Variants in HCN3 observed in about 807,000 individuals in gnomAD.
HCN3 encodes potassium/sodium hyperpolarization-activated cyclic nucleotide-gated channel 3.
HCN3 carries 36 observed loss-of-function variants against 56.8 expected under a neutral mutation model. That is an observed-to-expected ratio of 0.63 (90% CI 0.49 to 0.84). The LOEUF is 0.84. Among genes scored for constraint, HCN3 ranks in the 40% least tolerant of loss-of-function variants. The pLI, the probability that HCN3 is intolerant of heterozygous loss-of-function variation, is 0.00. For synonymous variants in HCN3, 425 were observed against 439.7 expected, an observed-to-expected ratio of 0.97 and a Z score of 0.42; for missense variants, 930 against 1,079.3, an observed-to-expected ratio of 0.86 and a Z score of 1.94.
Position 155,285,766 on chromosome 1 carries a change from C to G in HCN3, c.1279C>G (p.Pro427Ala), listed in dbSNP as rs777747988. ...FTCRGLVAHMPLFAHADPSFV... is the reference protein window; with the variant it reads ...FTCRGLVAHMALFAHADPSFV... ...CTGTCGGGGCCTGGTGGCCCACATG[C>G]CGCTGTTTGCCCATGCCGACCCCAG... Residue 427 changes from proline (P) to alanine (A), a missense_variant, in exon 6 of 8, where the codon CCG (proline) becomes GCG (alanine). By Grantham distance (27) the Pro-to-Ala change is conservative. Transcript: ENST00000368358. The surrounding 1 kb of genome is among the most constrained non-coding windows in gnomAD (Gnocchi z 4.5). The G allele has an allele frequency of 6.2e-7, 1 of 1,614,176 alleles. No homozygotes were observed.
chr1:155,288,262 G>C lies in HCN3; in HGVS notation c.2124G>C (p.Arg708=). Residue 708 remains arginine, a synonymous_variant, in exon 8 of 8, where the codon CGG becomes CGC. Coordinates refer to ENST00000368358, the MANE Select transcript of HCN3 (RefSeq NM_020897.3). The surrounding 1 kb of genome is among the most constrained non-coding windows in gnomAD (Gnocchi z 6.5). ...PGGGGRRLGP[R]GRPLSASQPS... Reference sequence around the variant, plus strand: ...GAGGTGGACGGCGGCTAGGACCTCGGGGCCGCCCACTCTCAGCCTCCCAAC... The same window carrying C: ...GAGGTGGACGGCGGCTAGGACCTCGCGGCCGCCCACTCTCAGCCTCCCAAC... 1 of 1,599,664 alleles carries C rather than the reference G, an allele frequency of 6.3e-7. No individual in the cohort carries two copies. Among genetic ancestry groups the C allele is most frequent in the East Asian group, 2.3e-5 (1 of 44,354 alleles).
At position 155,287,966 on chromosome 1, in the gene HCN3, C is replaced by T. The variant is rs1674364287; in HGVS notation, c.1828C>T (p.Pro610Ser). Reference protein sequence around the residue: ...PVLWEPLVHAPLQAAAVTSNV... With the variant: ...PVLWEPLVHASLQAAAVTSNV... ...ACTGTGGGAGCCACTGGTACATGCG[C>T]CCCTTCAGGCAGCTGCTGTGACCTC... The change falls in exon 8 of 8, where the codon CCC (proline) becomes TCC (serine). Residue 610 changes from proline (P) to serine (S), a missense_variant. Pro to Ser is a moderately conservative substitution (Grantham distance 74, BLOSUM62 -1). Coordinates refer to ENST00000368358, the MANE Select transcript of HCN3 (RefSeq NM_020897.3). The T allele has an allele frequency of 6.2e-7, 1 of 1,613,958 alleles. No homozygotes were observed. The highest frequency in any genetic ancestry group is 8.5e-7 in the Non-Finnish European group (1 of 1,180,022).
chr1:155,287,334 A>G lies in HCN3; in HGVS notation c.1639A>G (p.Ile547Val), dbSNP rs373228846. The G allele has an allele frequency of 3.7e-6, 6 of 1,613,706 alleles. No individual in the cohort carries two copies. In the African/African-American group the frequency reaches 6.7e-5, roughly 18 times the overall value. ...ETVAMDRLLR[I>V]GKKNSILQRK... Reference sequence around the variant, plus strand: ...TGTGGCCATGGATCGGCTGCTCCGCATCGGTGAGACCTGTCCACCCCATCT... The same window carrying G: ...TGTGGCCATGGATCGGCTGCTCCGCGTCGGTGAGACCTGTCCACCCCATCT... The change falls in exon 7 of 8, where the codon ATC becomes GTC. Residue 547 changes from isoleucine (I) to valine (V), a missense_variant. By Grantham distance (29) the Ile-to-Val change is conservative. Transcript: ENST00000368358.
rs750482495 is a variant in HCN3 at position 155,285,767 on chromosome 1, C to A, written c.1280C>A (p.Pro427Gln). The part of the protein sequence containing the change: ...FTCRGLVAHM[P>Q]LFAHADPSFV... Reference sequence around the variant, plus strand: ...TGTCGGGGCCTGGTGGCCCACATGCCGCTGTTTGCCCATGCCGACCCCAGC... The same window carrying A: ...TGTCGGGGCCTGGTGGCCCACATGCAGCTGTTTGCCCATGCCGACCCCAGC... The change falls in exon 6 of 8, where the codon CCG becomes CAG. Residue 427 changes from proline (P) to glutamine (Q), a missense_variant. Pro to Gln is a moderately conservative substitution (Grantham distance 76). Transcript: ENST00000368358. The surrounding 1 kb of genome is among the most constrained non-coding windows in gnomAD (Gnocchi z 4.5). 2 of 1,614,146 alleles carry A rather than the reference C, an allele frequency of 1.2e-6. No individual in the cohort carries two copies. The highest frequency in any genetic ancestry group is 1.7e-6 in the Non-Finnish European group (2 of 1,180,006).
At chr1:155,281,845 C>G (rs917746275) in intron 1 of HCN3, among the ~76,000 whole-genome samples, 16 of 152,114 alleles carry the variant, frequency 1.1e-4, no homozygotes, top group Non-Finnish European at 2.1e-4. Context: ...TACACCTCAG[C>G]CTCCTGAGTA....
chr1:155,288,625 C>A lies in HCN3; in HGVS notation c.*162C>A, dbSNP rs1333070272. On this transcript the variant is annotated 3_prime_UTR_variant, in exon 8 of 8. Transcript: ENST00000368358. This position sits in a 1 kb window ranked among gnomAD's most constrained non-coding sequence, Gnocchi z 6.5. ...CTGCCATGAAGACGGTCTCTGTGTC[C>A]TCAGCTCAAGAATCCTGTAGCTTGT... 1 of 862,230 alleles carries A rather than the reference C, an allele frequency of 1.2e-6. No individual in the cohort carries two copies. Among genetic ancestry groups the A allele is most frequent in the Admixed American group, 3.1e-5 (1 of 31,922 alleles). The allele number at this position is 862,230 out of a possible 1,614,324, so 53.4% of individuals were successfully genotyped here.
chr1:155,288,616 C>A lies in HCN3; in HGVS notation c.*153C>A. 1.1e-6 allele frequency: 1 copy of A among 918,866 alleles called. No homozygotes were observed. The highest frequency in any genetic ancestry group is 1.6e-6 in the Non-Finnish European group (1 of 627,624). The allele number at this position is 918,866 out of a possible 1,614,324, so 56.9% of individuals were successfully genotyped here. ...TTCCGCATACTGCCATGAAGACGGT[C>A]TCTGTGTCCTCAGCTCAAGAATCCT... On this transcript the variant is annotated 3_prime_UTR_variant, in exon 8 of 8. Coordinates refer to ENST00000368358, the MANE Select transcript of HCN3 (RefSeq NM_020897.3). This position sits in a 1 kb window ranked among gnomAD's most constrained non-coding sequence, Gnocchi z 6.5.
rs1020964008 is a variant in HCN3, at chr1:155,285,501, G to A, written c.1236+190G>A. ...GGCCCTTTGAGGGTGAAGGATACATGAGGAGGGACTATAGGGATCTCTGTT... is the reference window on the plus strand; with the variant it reads ...GGCCCTTTGAGGGTGAAGGATACATAAGGAGGGACTATAGGGATCTCTGTT... On this transcript the variant is annotated intron_variant, in intron 5 of 7. Transcript: ENST00000368358. This position sits in a 1 kb window ranked among gnomAD's most constrained non-coding sequence, Gnocchi z 4.5. 6.6e-6 allele frequency among the ~76,000 whole-genome samples: 1 copy of A among 152,226 alleles called. No homozygotes were observed. The highest frequency in any genetic ancestry group is 1.5e-5 in the Non-Finnish European group (1 of 68,028).
chr1:155,284,231 G>A lies in HCN3; in HGVS notation c.870+96G>A. ...CCACAGGGAGCAGGAGGTGGGAGAT[G>A]ATCACAACAGAAAATAGGAGCGAGG... On this transcript the variant is annotated intron_variant, in intron 3 of 7. Coordinates refer to ENST00000368358, the MANE Select transcript of HCN3 (RefSeq NM_020897.3). The surrounding 1 kb of genome is among the most constrained non-coding windows in gnomAD (Gnocchi z 4.3). 7.1e-7 allele frequency: 1 copy of A among 1,412,812 alleles called. No homozygotes were observed. Among genetic ancestry groups the A allele is most frequent in the African/African-American group, 1.4e-5 (1 of 70,700 alleles). The allele number at this position is 1,412,812 out of a possible 1,614,324, so 87.5% of individuals were successfully genotyped here.
Position 155,285,555 on chromosome 1 carries a change from G to A in HCN3, c.1237-169G>A, listed in dbSNP as rs1449071573. 1.3e-5 allele frequency among the ~76,000 whole-genome samples: 2 copies of A among 152,208 alleles called. No homozygotes were observed. Among genetic ancestry groups the A allele is most frequent in the Admixed American group, 1.3e-4 (2 of 15,278 alleles). Reference sequence around the variant, plus strand: ...GGGGGATGGTCCTGCAAGGGCTCATGGGAAAGATCTGAAGGCAGGAGCTTA... The same window carrying A: ...GGGGGATGGTCCTGCAAGGGCTCATAGGAAAGATCTGAAGGCAGGAGCTTA... On this transcript the variant is annotated intron_variant, in intron 5 of 7. Coordinates refer to ENST00000368358, the MANE Select transcript of HCN3 (RefSeq NM_020897.3). The surrounding 1 kb of genome is among the most constrained non-coding windows in gnomAD (Gnocchi z 4.5).
chr1:155,288,006 C>T lies in HCN3; in HGVS notation c.1868C>T (p.Ala623Val), dbSNP rs1268206603. ...GCTGTGACCTCCAATGTGGCCATTGCCCTGACTCATCAGCGGGGCCCTCTG... is the reference window on the plus strand; with the variant it reads ...GCTGTGACCTCCAATGTGGCCATTGTCCTGACTCATCAGCGGGGCCCTCTG... ...AAAVTSNVAI[A>V]LTHQRGPLPL... Residue 623 changes from alanine to valine, a missense_variant, in exon 8 of 8, where the codon GCC (alanine) becomes GTC (valine). Physicochemically the swap from Ala to Val is moderately conservative, Grantham distance 64. Coordinates refer to ENST00000368358, the MANE Select transcript of HCN3 (RefSeq NM_020897.3). This position sits in a 1 kb window ranked among gnomAD's most constrained non-coding sequence, Gnocchi z 6.5. 6.2e-7 allele frequency: 1 copy of T among 1,614,048 alleles called. No individual in the cohort carries two copies. Among genetic ancestry groups the T allele is most frequent in the African/African-American group, 1.3e-5 (1 of 75,012 alleles).
Position 155,289,532 on chromosome 1 carries a change from C to T in HCN3, c.*1069C>T, listed in dbSNP as rs8847. On this transcript the variant is annotated 3_prime_UTR_variant, in exon 8 of 8. Transcript: ENST00000368358. The stretch of plus-strand genomic sequence containing the variant: ...CCACATGAGAGAGGGAGAAGGACCG[C>T]GTTTACCTTTAGAGTTTTGTTTTGT... The T allele has an allele frequency of 0.35, 53,484 of 152,134 alleles. 10,493 individuals carry two copies. Among genetic ancestry groups the T allele is most frequent in the East Asian group, 0.69 (3,631 of 5,226 alleles). 9.4% of individuals were successfully genotyped at this position (152,134 alleles called of 1,614,324 possible). A position where few individuals can be genotyped will look rare whatever the true frequency, so the allele number is the denominator to read the frequency against.
chr1:155,282,634 T>C lies in HCN3; in HGVS notation c.502T>C (p.Tyr168His), dbSNP rs1557946636. ...GGCACCGCGGGCCATCCGCACGCGC[T>C]ACCTGCGCACCTGGTTCCTGGTTGA... ...LLAPRAIRTR[Y>H]LRTWFLVDLI... is the part of the protein sequence containing the mutation. Residue 168 changes from tyrosine to histidine, a missense_variant, in exon 2 of 8, where the codon TAC becomes CAC. Coordinates refer to ENST00000368358, the MANE Select transcript of HCN3 (RefSeq NM_020897.3). This position sits in a 1 kb window ranked among gnomAD's most constrained non-coding sequence, Gnocchi z 4.7. 6.2e-7 allele frequency: 1 copy of C among 1,614,264 alleles called. No homozygotes were observed. The highest frequency in any genetic ancestry group is 1.1e-5 in the South Asian group (1 of 91,086).
chr1:155,279,695 G>C (rs1673944055), intron 1 of HCN3, among the ~76,000 whole-genome samples: 1 of 152,182 alleles, frequency 6.6e-6, no homozygotes. Flanking sequence ...GGAGATGGGG[G>C]AAGCAGCAGC....
rs1179451532 is a variant in HCN3 at position 155,287,893 on chromosome 1, T to G, written c.1755T>G (p.Val585=). ...ATGACAGAGACATGGCTCGGGGTGT[T>G]CGGGGTCGGGCCCCGAGCACAGGAG... ...VQHDRDMARG[V]RGRAPSTGAQ... is the part of the protein sequence containing the mutation. The change falls in exon 8 of 8, where the codon GTT becomes GTG. Residue 585 remains valine, a synonymous_variant. Transcript: ENST00000368358. 1 of 1,613,890 alleles carries G rather than the reference T, an allele frequency of 6.2e-7. No homozygotes were observed. The highest frequency in any genetic ancestry group is 2.2e-5 in the East Asian group (1 of 44,856).
chr1:155,284,798 G>A lies in HCN3; in HGVS notation c.1089+41G>A, dbSNP rs1256118934. ...AGAGGGAGGTGTGGCATGGAGGGGT[G>A]TTGGAGACTGGGTAGCCTGACTTGA... On this transcript the variant is annotated intron_variant, in intron 4 of 7. Coordinates refer to ENST00000368358, the MANE Select transcript of HCN3 (RefSeq NM_020897.3). The surrounding 1 kb of genome is among the most constrained non-coding windows in gnomAD (Gnocchi z 4.3). 1 of 1,551,534 alleles carries A rather than the reference G, an allele frequency of 6.4e-7. No individual in the cohort carries two copies. The highest frequency in any genetic ancestry group is 1.2e-5 in the South Asian group (1 of 84,432).
rs1191975047 is a variant in HCN3, at chr1:155,277,744, C to A, written c.154C>A (p.Leu52Met). 1 of 1,602,092 alleles carries A rather than the reference C, an allele frequency of 6.2e-7. No homozygotes were observed. Among genetic ancestry groups the A allele is most frequent in the East Asian group, 2.3e-5 (1 of 44,370 alleles). ...PEPKRRHLGT[L>M]LQPTVNKFSL... Reference sequence around the variant, plus strand: ...GCCTAAGAGGAGGCACCTTGGGACGCTGCTCCAGCCTACGGTCAACAAGTT... The same window carrying A: ...GCCTAAGAGGAGGCACCTTGGGACGATGCTCCAGCCTACGGTCAACAAGTT... Residue 52 changes from leucine to methionine, a missense_variant, in exon 1 of 8, where the codon CTG becomes ATG. Leu to Met is a conservative substitution (Grantham distance 15, BLOSUM62 2). Transcript: ENST00000368358.
At position 155,282,170 on chromosome 1, in the gene HCN3, T is replaced by G. The variant is rs112045851; in HGVS notation, c.279-241T>G. 2.0e-5 allele frequency among the ~76,000 whole-genome samples: 3 copies of G among 152,234 alleles called. No individual in the cohort carries two copies. The highest frequency in any genetic ancestry group is 7.2e-5 in the African/African-American group (3 of 41,450). On this transcript the variant is annotated intron_variant, in intron 1 of 7. Coordinates refer to ENST00000368358, the MANE Select transcript of HCN3 (RefSeq NM_020897.3). The surrounding 1 kb of genome is among the most constrained non-coding windows in gnomAD (Gnocchi z 4.7). ...TCCTGGAGCGCATATTTTCCTTGGA[T>G]GTGTCTATACGTAGGAATGGGATTG...
In HCN3 at chr1:155,288,370, C is replaced by T. The variant is rs771679898; in HGVS notation, c.2232C>T (p.Leu744=). 1.9e-6 allele frequency: 3 copies of T among 1,613,862 alleles called. No individual in the cohort carries two copies. In the Admixed American group the frequency reaches 5.0e-5, roughly 27 times the overall value. ...GTGAGCGGCTGCCTCCCTCAGGGCT[C>T]CTGGCCAAACCTCCAAGGACAGCCC... The part of the protein sequence containing the change: ...SGSERLPPSG[L]LAKPPRTAQP... Residue 744 remains leucine (L), a synonymous_variant, in exon 8 of 8, where the codon CTC becomes CTT. Transcript: ENST00000368358. The surrounding 1 kb of genome is among the most constrained non-coding windows in gnomAD (Gnocchi z 6.5).
Sources: allele counts gnomAD v4.1 joint callset (sites outside exome capture counted in the v4.1 genomes callset), GRCh38; gene constraint gnomAD v4.1.1; non-coding constraint Gnocchi (gnomAD v3.1); transcripts MANE v1.5; gene names NCBI Gene and HGNC (gene_info 2026-07-23, HGNC 2026-07-21).